GLS: variants seen among roughly 807,000 people sequenced by gnomAD.
GLS encodes glutaminase kidney isoform, mitochondrial.
Under a neutral mutation model 86.7 loss-of-function variants are expected in GLS, and 36 were observed. That is an observed-to-expected ratio of 0.42 (90% CI 0.32 to 0.55). The LOEUF is 0.55. Among genes scored for constraint, GLS ranks in the 20% least tolerant of loss-of-function variants. The pLI is 0.17. For missense variants in GLS, 528 were observed against 833.4 expected, an observed-to-expected ratio of 0.63 and a Z score of 4.51; for synonymous variants, 317 against 305.9, an observed-to-expected ratio of 1.04 and a Z score of -0.38.
At chr2:190,908,723 G>A (rs1251640291) in intron 6 of GLS, among the ~76,000 whole-genome samples, 3 of 152,222 alleles carry the variant, frequency 2.0e-5, no homozygotes, top group Admixed American at 6.5e-5. Context: ...TAGGCTGGTG[G>A]TGTGTTACAT....
rs1230995643 is a variant in GLS at position 190,881,515 on chromosome 2, C to A, written c.386+45C>A. 6.6e-6 allele frequency: 10 copies of A among 1,517,072 alleles called. No individual in the cohort carries two copies. The East Asian group carries it at 2.1e-4, about 32-fold the overall frequency. 94.0% of individuals were successfully genotyped at this position (1,517,072 alleles called of 1,614,324 possible). A position where few individuals can be genotyped will look rare whatever the true frequency, so the allele number is the denominator to read the frequency against. The stretch of plus-strand genomic sequence containing the variant: ...GCAGGAGGCCTCGTTCCTTTCGGGG[C>A]CCGGGCTCAGGCTGTGTGGGGCCCT... On this transcript the variant is annotated intron_variant, in intron 1 of 17. Transcript: ENST00000320717.
Position 190,935,502 on chromosome 2 carries a change from G to T in GLS, c.1650+3865G>T, listed in dbSNP as rs1386891859. Among the ~76,000 whole-genome samples, 4 of 151,032 alleles carry T rather than the reference G, an allele frequency of 2.6e-5. No individual in the cohort carries two copies. Among genetic ancestry groups the T allele is most frequent in the Non-Finnish European group, 4.5e-5 (3 of 67,246 alleles). ...TTTAAAATGCAATATAGCATTAGTGGTTTTTTTGGGAGGAGGACTTTTCTT... is the reference window on the plus strand; with the variant it reads ...TTTAAAATGCAATATAGCATTAGTGTTTTTTTTGGGAGGAGGACTTTTCTT... On this transcript the variant is annotated intron_variant, in intron 14 of 17. Coordinates refer to ENST00000320717, the MANE Select transcript of GLS (RefSeq NM_014905.5). The surrounding 1 kb of genome is among the most constrained non-coding windows in gnomAD (Gnocchi z 4.2).
rs142256701 is a variant in GLS, at chr2:190,949,421, C to T, written c.1651-4144C>T. On this transcript the variant is annotated intron_variant, in intron 14 of 17. Coordinates refer to ENST00000320717, the MANE Select transcript of GLS (RefSeq NM_014905.5). This position sits in a 1 kb window ranked among gnomAD's most constrained non-coding sequence, Gnocchi z 4.0. ...AAAGTTAAGGTAGATGGGCTGGGCA[C>T]AGGGGCTCACACCTGTAATCCCTAC... 3.9e-5 allele frequency among the ~76,000 whole-genome samples: 6 copies of T among 152,084 alleles called. No homozygotes were observed. The highest frequency in any genetic ancestry group is 7.2e-5 in the African/African-American group (3 of 41,400).
Position 190,881,187 on chromosome 2 carries a change from T to C in GLS, c.103T>C (p.Cys35Arg), listed in dbSNP as rs1266236588. Residue 35 changes from cysteine (C) to arginine (R), a missense_variant, in exon 1 of 18, where the codon TGC (cysteine) becomes CGC (arginine). By Grantham distance (180) the Cys-to-Arg change is radical (BLOSUM62 -3). Coordinates refer to ENST00000320717, the MANE Select transcript of GLS (RefSeq NM_014905.5). ...LRRAQPLVTL[C>R]RRPRGGGRPA... ...GCGGGCACAGCCCTTGGTCACCCTG[T>C]GCCGGCGTCCCCGAGGCGGGGGACG... The C allele has an allele frequency of 6.8e-6, 9 of 1,333,222 alleles. No homozygotes were observed. Among genetic ancestry groups the C allele is most frequent in the Non-Finnish European group, 8.6e-6 (9 of 1,045,160 alleles). 82.6% of individuals were successfully genotyped at this position (1,333,222 alleles called of 1,614,324 possible). A position where few individuals can be genotyped will look rare whatever the true frequency, so the allele number is the denominator to read the frequency against.
chr2:190,906,931 G>GTTT (rs1347731167), intron 6 of GLS, among the ~76,000 whole-genome samples: 2 of 140,036 alleles, frequency 1.4e-5, no homozygotes, highest in Non-Finnish European at 3.1e-5. Context: ...AATTGTAGTA[G>GTTT]TTTTTTTTTT....
At chr2:190,922,029 C>A (rs1689753463) in intron 9 of GLS, among the ~76,000 whole-genome samples, 2 of 152,018 alleles carry the variant, frequency 1.3e-5, no homozygotes, top group African/African-American at 4.8e-5. Context: ...TTAAAGAGTG[C>A]AGGCTGCTTG....
At position 190,881,169 on chromosome 2, in the gene GLS, C is replaced by G; in HGVS notation, c.85C>G (p.Gln29Glu). ...AGVSATLRRA[Q>E]PLVTLCRRPR... ...CGTGAGCGCGACTCTGCGGCGGGCA[C>G]AGCCCTTGGTCACCCTGTGCCGGCG... Residue 29 changes from glutamine to glutamate, a missense_variant, in exon 1 of 18, where the codon CAG becomes GAG. Coordinates refer to ENST00000320717, the MANE Select transcript of GLS (RefSeq NM_014905.5). 1 of 1,533,002 alleles carries G rather than the reference C, an allele frequency of 6.5e-7. No individual in the cohort carries two copies. Among genetic ancestry groups the G allele is most frequent in the Non-Finnish European group, 8.7e-7 (1 of 1,147,284 alleles). The allele number at this position is 1,533,002 out of a possible 1,614,324, so 95.0% of individuals were successfully genotyped here.
chr2:190,959,068 G>T (rs1422114163), intron 17 of GLS, among the ~76,000 whole-genome samples: 1 of 152,096 alleles, frequency 6.6e-6, no homozygotes, highest in East Asian at 1.9e-4. Context: ...CTCTTTGTAG[G>T]TCTCTAAGAA....
intron 14 of GLS, among the ~76,000 whole-genome samples, chr2:190,948,111 G>T (rs1262541199): frequency 6.6e-6 from 1 of 152,196 alleles, no homozygotes; most frequent in Non-Finnish European, 1.5e-5. Context: ...TAGTGCCTGT[G>T]CATGGGCTGC....
In GLS at chr2:190,920,677, T is replaced by A. The variant is rs1051720083; in HGVS notation, c.1039-347T>A. ...GGTGAAACTTTATTTTAAGTTTTTT[T>A]AAATATAAGATTAAATAAATAACAC... On this transcript the variant is annotated intron_variant, in intron 7 of 17. Coordinates refer to ENST00000320717, the MANE Select transcript of GLS (RefSeq NM_014905.5). This position sits in a 1 kb window ranked among gnomAD's most constrained non-coding sequence, Gnocchi z 4.2. 5.3e-5 allele frequency among the ~76,000 whole-genome samples: 8 copies of A among 151,908 alleles called. No individual in the cohort carries two copies. In the South Asian group the frequency reaches 8.3e-4, roughly 16 times the overall value.
rs573432460 is a variant in GLS at position 190,924,847 on chromosome 2, C to G, written c.1248+254C>G. The G allele has an allele frequency of 5.2e-5, 18 of 345,490 alleles. No individual in the cohort carries two copies. The East Asian group carries it at 5.4e-4, about 10-fold the overall frequency. 21.4% of individuals were successfully genotyped at this position (345,490 alleles called of 1,614,324 possible). ...GGAGAATCCCTTGAACCTGGAAGGC[C>G]GAGGTTGCAGTGAGCCGAGATCACG... On this transcript the variant is annotated intron_variant, in intron 11 of 17. Coordinates refer to ENST00000320717, the MANE Select transcript of GLS (RefSeq NM_014905.5). This position sits in a 1 kb window ranked among gnomAD's most constrained non-coding sequence, Gnocchi z 5.2.
chr2:190,923,696 A>C (rs1287880797), intron 9 of GLS, among the ~76,000 whole-genome samples: 1 of 152,228 alleles, frequency 6.6e-6, no homozygotes, highest in East Asian at 1.9e-4. Context: ...AATTCGTTTC[A>C]GTCATTTTAT....
chr2:190,963,101 T>C lies in GLS; in HGVS notation c.*115T>C, dbSNP rs188886122. ...GTATATTTTACATTTGTCATTTCAG[T>C]GTTACTGGAGTTTTCTTCATTGTGC... is the stretch of plus-strand genomic sequence containing the variant. On this transcript the variant is annotated 3_prime_UTR_variant, in exon 18 of 18. Coordinates refer to ENST00000320717, the MANE Select transcript of GLS (RefSeq NM_014905.5). 9 of 759,866 alleles carry C rather than the reference T, an allele frequency of 1.2e-5. No individual in the cohort carries two copies. In the East Asian group the frequency reaches 1.7e-4, roughly 14 times the overall value. 47.1% of individuals were successfully genotyped at this position (759,866 alleles called of 1,614,324 possible).
intron 12 of GLS, among the ~76,000 whole-genome samples, chr2:190,928,842 T>A (rs1689992886): frequency 6.6e-6 from 1 of 150,510 alleles, no homozygotes; most frequent in South Asian, 2.1e-4. Flanking sequence ...ATTACCTCTG[T>A]TCCATTGTCC....
intron 14 of GLS, among the ~76,000 whole-genome samples, chr2:190,932,382 T>C (rs1690136567): frequency 6.6e-6 from 1 of 151,958 alleles, no homozygotes. Context: ...AAAATGTTTG[T>C]AGTAAAATTA....
In GLS at chr2:190,951,200, GGT is replaced by G. The variant is rs1302417298; in HGVS notation, c.1651-2363_1651-2362del. Among the ~76,000 whole-genome samples, 1 of 152,134 alleles carries G rather than the reference GGT, an allele frequency of 6.6e-6. No homozygotes were observed. Among genetic ancestry groups the G allele is most frequent in the Non-Finnish European group, 1.5e-5 (1 of 68,026 alleles). On this transcript the variant is annotated intron_variant, in intron 14 of 17. Coordinates refer to ENST00000320717, the MANE Select transcript of GLS (RefSeq NM_014905.5). The surrounding 1 kb of genome is among the most constrained non-coding windows in gnomAD (Gnocchi z 4.2). ...AAGCAGCAAACAGGAGGAAGATTAG[GGT>G]GATGGAGCAGCATGGAAGGCAAGTC...
At chr2:190,961,724 T>C (rs1330098010) in intron 17 of GLS, among the ~76,000 whole-genome samples, 2 of 141,844 alleles carry the variant, frequency 1.4e-5, no homozygotes, top group East Asian at 2.0e-4. Flanking sequence ...CAAAGATACA[T>C]GTAAAGTTTT....
Position 190,904,990 on chromosome 2 carries a change from C to G in GLS, c.816-14C>G, listed in dbSNP as rs1166250983. The stretch of plus-strand genomic sequence containing the variant: ...CCAGTTGATGTTATTTTTTAAAAAT[C>G]TCCTTTTAAATAGGCATTCTACTGG... On this transcript the variant is annotated splice_polypyrimidine_tract_variant and intron_variant, in intron 5 of 17. Transcript: ENST00000320717. 1 of 1,476,582 alleles carries G rather than the reference C, an allele frequency of 6.8e-7. No homozygotes were observed. The highest frequency in any genetic ancestry group is 2.3e-5 in the East Asian group (1 of 44,052). 91.5% of individuals were successfully genotyped at this position (1,476,582 alleles called of 1,614,324 possible).
Position 190,949,494 on chromosome 2 carries a change from G to T in GLS, c.1651-4071G>T, listed in dbSNP as rs1258785988. 1.3e-5 allele frequency among the ~76,000 whole-genome samples: 2 copies of T among 152,120 alleles called. No individual in the cohort carries two copies. Among genetic ancestry groups the T allele is most frequent in the East Asian group, 3.9e-4 (2 of 5,192 alleles). ...AGATCGCTTGAGGTCGGGAGTTTGG[G>T]ACCAGCCTGGCCAACCTAGTGAAAC... On this transcript the variant is annotated intron_variant, in intron 14 of 17. Coordinates refer to ENST00000320717, the MANE Select transcript of GLS (RefSeq NM_014905.5). This position sits in a 1 kb window ranked among gnomAD's most constrained non-coding sequence, Gnocchi z 4.0.
Sources: allele counts gnomAD v4.1 joint callset (sites outside exome capture counted in the v4.1 genomes callset), GRCh38; gene constraint gnomAD v4.1.1; non-coding constraint Gnocchi (gnomAD v3.1); transcripts MANE v1.5; gene names NCBI Gene and HGNC (gene_info 2026-07-23, HGNC 2026-07-21).